Variants in KIRREL1 observed in about 807,000 individuals in gnomAD.
KIRREL1 encodes kirre like nephrin family adhesion molecule 1.
Under a neutral mutation model 83.3 loss-of-function variants are expected in KIRREL1, and 25 were observed. The observed-to-expected ratio is 0.30, with a 90% CI of 0.22 to 0.42. The LOEUF is 0.42. Among genes scored for constraint, KIRREL1 ranks in the 10% least tolerant of loss-of-function variants. The pLI is 1.00. For missense variants in KIRREL1, 812 were observed against 1,032.3 expected (o/e 0.79, Z 2.92); for synonymous variants, 388 against 410.4 (o/e 0.95, Z 0.66).
In KIRREL1 at chr1:158,035,990, G is replaced by A. The variant is rs185003061; in HGVS notation, c.53-40123G>A. ...AGGGGTGGATTTATGCATTGACAGA[G>A]TTTACCATCATCCTTCAATTCTCAA... On this transcript the variant is annotated intron_variant, in intron 1 of 14. Coordinates refer to ENST00000359209, the MANE Select transcript of KIRREL1 (RefSeq NM_018240.7). Among the ~76,000 whole-genome samples, 5 of 152,340 alleles carry A rather than the reference G, an allele frequency of 3.3e-5. No homozygotes were observed. The East Asian group carries it at 9.6e-4, about 29-fold the overall frequency.
At chr1:158,074,692 T>C (rs12032505) in intron 1 of KIRREL1, among the ~76,000 whole-genome samples, 6 of 151,844 alleles carry the variant, frequency 4.0e-5, no homozygotes, top group African/African-American at 1.5e-4. Flanking sequence ...GAGGGACATG[T>C]AGAGCAGGTT....
Position 158,094,589 on chromosome 1 carries a change from T to C in KIRREL1, c.1798-55T>C, listed in dbSNP as rs954331175. Reference sequence around the variant, plus strand: ...AGGCCCAGAAAGCCATGGTGAGACTTGATCCCCACCCAAGAGGGAACACTG... The same window carrying C: ...AGGCCCAGAAAGCCATGGTGAGACTCGATCCCCACCCAAGAGGGAACACTG... On this transcript the variant is annotated intron_variant, in intron 14 of 14. Transcript: ENST00000359209. This position sits in a 1 kb window ranked among gnomAD's most constrained non-coding sequence, Gnocchi z 4.6. The C allele has an allele frequency of 3.5e-6, 5 of 1,448,928 alleles. No individual in the cohort carries two copies. The highest frequency in any genetic ancestry group is 4.8e-6 in the Non-Finnish European group (5 of 1,051,822). The allele number at this position is 1,448,928 out of a possible 1,614,324, so 89.8% of individuals were successfully genotyped here. A position where few individuals can be genotyped will look rare whatever the true frequency, so the allele number is the denominator to read the frequency against.
intron 1 of KIRREL1, among the ~76,000 whole-genome samples, chr1:158,042,346 T>G (rs1418006617): frequency 6.6e-6 from 1 of 152,128 alleles, no homozygotes; most frequent in Non-Finnish European, 1.5e-5. Flanking sequence ...GAGAGTGACC[T>G]TTGTGCCCTC....
At chr1:157,994,543 A>G (rs1470413059) in intron 1 of KIRREL1, among the ~76,000 whole-genome samples, 1 of 151,240 alleles carries the variant, frequency 6.6e-6, no homozygotes, top group Non-Finnish European at 1.5e-5. Flanking sequence ...TGAGGATGTC[A>G]GTGTATCCTG....
chr1:158,063,010 C>T (rs1661255253), intron 1 of KIRREL1, among the ~76,000 whole-genome samples: 1 of 152,250 alleles, frequency 6.6e-6, no homozygotes, highest in Admixed American at 6.5e-5. Flanking sequence ...AACCCAGCCA[C>T]TTCCAATTGC....
intron 1 of KIRREL1, among the ~76,000 whole-genome samples, chr1:158,069,220 G>A (rs1661438812): frequency 6.6e-6 from 1 of 152,132 alleles, no homozygotes; most frequent in South Asian, 2.1e-4. Flanking sequence ...TGGGAGGGGT[G>A]TGTGTGCGCA....
intron 1 of KIRREL1, among the ~76,000 whole-genome samples, chr1:158,026,146 C>A (rs763095234): frequency 1.3e-5 from 2 of 152,188 alleles, no homozygotes; most frequent in Non-Finnish European, 1.5e-5. Context: ...GAAGGAGCTG[C>A]AGGCTGGGGT....
intron 3 of KIRREL1, among the ~76,000 whole-genome samples, chr1:158,081,610 A>T (rs1661859280): frequency 6.6e-6 from 1 of 152,164 alleles, no homozygotes; most frequent in Non-Finnish European, 1.5e-5. Context: ...TAAGTCACAA[A>T]CCATAAAAAC....
chr1:158,096,220 A>G lies in KIRREL1; in HGVS notation c.*1100A>G, dbSNP rs1298050116. On this transcript the variant is annotated 3_prime_UTR_variant, in exon 15 of 15. Transcript: ENST00000359209. ...CCAAGCACTTTGAATCCATTTTTAA[A>G]CATTCAGGTTGCCAGACCTGTCACA... 4.4e-6 allele frequency: 1 copy of G among 225,988 alleles called. No individual in the cohort carries two copies. The highest frequency in any genetic ancestry group is 8.9e-6 in the Non-Finnish European group (1 of 112,878). 14.0% of individuals were successfully genotyped at this position (225,988 alleles called of 1,614,324 possible). A position where few individuals can be genotyped will look rare whatever the true frequency, so the allele number is the denominator to read the frequency against.
At chr1:158,054,212 C>CAAAAAAAA (rs57034495) in intron 1 of KIRREL1, among the ~76,000 whole-genome samples, 1 of 85,098 alleles carries the variant, frequency 1.2e-5, no homozygotes, top group Non-Finnish European at 2.2e-5. Context: ...GACTCCATCT[C>CAAAAAAAA]AAAAAAAAAA....
rs998762070 is a variant in KIRREL1, at chr1:158,009,912, A to G, written c.52+16184A>G. On this transcript the variant is annotated intron_variant, in intron 1 of 14. Transcript: ENST00000359209. ...CAGCTTCTGGTTTCCTGGGCATTACAATAGGAACATCTATATTCAGGAGGC... is the reference window on the plus strand; with the variant it reads ...CAGCTTCTGGTTTCCTGGGCATTACGATAGGAACATCTATATTCAGGAGGC... 4.6e-5 allele frequency among the ~76,000 whole-genome samples: 7 copies of G among 152,246 alleles called. 1 individual carries two copies. In the South Asian group the frequency reaches 1.4e-3, roughly 32 times the overall value.
chr1:158,041,229 A>C (rs568693643), intron 1 of KIRREL1, among the ~76,000 whole-genome samples: 2 of 152,304 alleles, frequency 1.3e-5, no homozygotes, highest in Non-Finnish European at 2.9e-5. Flanking sequence ...AGGGTCAGCT[A>C]ATAAAAGATG....
At chr1:158,037,291 A>G (rs6691777) in intron 1 of KIRREL1, among the ~76,000 whole-genome samples, 7,096 of 152,186 alleles carry the variant, frequency 0.047, 492 homozygotes, top group African/African-American at 0.15. Flanking sequence ...TCAGGACTTC[A>G]AGATCAGCCT....
chr1:158,000,149 A>C (rs1009342339), intron 1 of KIRREL1, among the ~76,000 whole-genome samples: 3 of 152,160 alleles, frequency 2.0e-5, no homozygotes, highest in Admixed American at 6.5e-5. Context: ...GTGTGGATGC[A>C]ATCTCACTGC....
chr1:158,060,765 G>A (rs1490123767), intron 1 of KIRREL1, among the ~76,000 whole-genome samples: 1 of 152,198 alleles, frequency 6.6e-6, no homozygotes, highest in African/African-American at 2.4e-5. Context: ...AAGGTATTGA[G>A]GAATGCTGGA....
rs1041662677 is a variant in KIRREL1 at position 157,995,533 on chromosome 1, G to A, written c.52+1805G>A. The stretch of plus-strand genomic sequence containing the variant: ...GGTGGTGGAGGAGGCCCCTGGGTCA[G>A]TATTGGTCTATGTTGGGGGCAAGCT... On this transcript the variant is annotated intron_variant, in intron 1 of 14. Transcript: ENST00000359209. Among the ~76,000 whole-genome samples the A allele has an allele frequency of 2.0e-4, 31 of 152,136 alleles. 2 individuals carry two copies. Among genetic ancestry groups the A allele is most frequent in the Admixed American group, 2.0e-3 (30 of 15,276 alleles).
At chr1:158,036,082 TG>T (rs1660467522) in intron 1 of KIRREL1, among the ~76,000 whole-genome samples, 1 of 152,160 alleles carries the variant, frequency 6.6e-6, no homozygotes, top group African/African-American at 2.4e-5. Context: ...CCAGGGATAC[TG>T]GGGATTACTA....
chr1:158,069,336 G>GTGTA (rs1661444778), intron 1 of KIRREL1, among the ~76,000 whole-genome samples: 1 of 151,438 alleles, frequency 6.6e-6, no homozygotes, highest in African/African-American at 2.4e-5. Context: ...GTGTGTGTGT[G>GTGTA]TGTGTGTGAA....
intron 1 of KIRREL1, among the ~76,000 whole-genome samples, chr1:158,073,489 A>C (rs7547150): frequency 6.6e-6 from 1 of 152,116 alleles, no homozygotes; most frequent in Admixed American, 6.5e-5. Context: ...TTTGACAGCA[A>C]TCCAGAAATA....
Sources: allele counts gnomAD v4.1 joint callset (sites outside exome capture counted in the v4.1 genomes callset), GRCh38; gene constraint gnomAD v4.1.1; non-coding constraint Gnocchi (gnomAD v3.1); transcripts MANE v1.5; gene names NCBI Gene and HGNC (gene_info 2026-07-23, HGNC 2026-07-21).